The following MBD5 variants were observed in gnomAD, a reference collection of about 807,000 sequenced individuals.
MBD5 encodes the protein methyl-CpG binding domain protein 5.
Under a neutral mutation model 117.3 loss-of-function variants are expected in MBD5, and 13 were observed. That is an observed-to-expected ratio of 0.11 (90% confidence interval 0.07 to 0.18). MBD5 has a LOEUF of 0.18. Ranked by LOEUF, MBD5 falls within the 10% of genes least tolerant of loss-of-function variation. The pLI is 1.00. For synonymous variants in MBD5, 727 were observed against 766.4 expected (o/e 0.95, Z 0.85); for missense variants, 1,879 against 2,093.8 (o/e 0.90, Z 2.00).
At chr2:148,462,230 A>C (rs753675072) in intron 5 of MBD5, among the ~76,000 whole-genome samples, 1 of 152,170 alleles carries the variant, frequency 6.6e-6, no homozygotes, top group East Asian at 1.9e-4. Context: ...GTTTAAAATG[A>C]GAGTCATTGC....
chr2:148,116,085 C>G (rs1442903824), intron 1 of MBD5, among the ~76,000 whole-genome samples: 1 of 152,076 alleles, frequency 6.6e-6, no homozygotes, highest in African/African-American at 2.4e-5. Context: ...CTCAAGCCAT[C>G]CGCCTGCCTC....
chr2:148,041,774 TC>T (rs1219814577), intron 1 of MBD5, among the ~76,000 whole-genome samples: 1 of 152,216 alleles, frequency 6.6e-6, no homozygotes, highest in African/African-American at 2.4e-5. Context: ...TCTTCTGCTT[TC>T]CACCCATCTT....
chr2:148,210,458 A>G (rs1699394877), intron 2 of MBD5, among the ~76,000 whole-genome samples: 1 of 152,148 alleles, frequency 6.6e-6, no homozygotes, highest in Non-Finnish European at 1.5e-5. Flanking sequence ...CACAGATCCA[A>G]TTATATTTTA....
intron 4 of MBD5, among the ~76,000 whole-genome samples, chr2:148,455,132 CA>C (rs1706843986): frequency 6.6e-6 from 1 of 151,988 alleles, no homozygotes; most frequent in African/African-American, 2.4e-5. Flanking sequence ...CTGTATTTTC[CA>C]AATTCACAAG....
intron 1 of MBD5, among the ~76,000 whole-genome samples, chr2:148,075,636 CTTTTT>C (rs1249441299): frequency 7.1e-6 from 1 of 140,102 alleles, no homozygotes; most frequent in African/African-American, 2.6e-5. Flanking sequence ...TCTTGTGGGT[CTTTTT>C]TTTTTTTTAA....
At chr2:148,383,790 G>A (rs1331062048) in intron 4 of MBD5, among the ~76,000 whole-genome samples, 1 of 152,184 alleles carries the variant, frequency 6.6e-6, no homozygotes, top group Non-Finnish European at 1.5e-5. Context: ...TCCCTGGGAT[G>A]CAAGGCTGGT....
chr2:148,225,652 A>G (rs534656714), intron 2 of MBD5, among the ~76,000 whole-genome samples: 5 of 152,182 alleles, frequency 3.3e-5, no homozygotes, highest in Non-Finnish European at 7.3e-5. Flanking sequence ...GGTGTTGATA[A>G]AATCCCTAAG....
intron 2 of MBD5, among the ~76,000 whole-genome samples, chr2:148,201,217 G>T (rs1187922357): frequency 6.6e-6 from 1 of 152,136 alleles, no homozygotes; most frequent in Non-Finnish European, 1.5e-5. Flanking sequence ...GAGGAGATGT[G>T]TGTGCCAGTG....
chr2:148,035,653 C>T (rs144377422), intron 1 of MBD5, among the ~76,000 whole-genome samples: 2 of 152,096 alleles, frequency 1.3e-5, no homozygotes, highest in African/African-American at 4.8e-5. Flanking sequence ...ATTTTCTTTC[C>T]TTGTCTTTGT....
chr2:148,441,675 C>T (rs1270917488), intron 4 of MBD5, among the ~76,000 whole-genome samples: 6 of 152,046 alleles, frequency 3.9e-5, no homozygotes, highest in Non-Finnish European at 8.8e-5. Flanking sequence ...CCTGAGGAAT[C>T]GCCACACCGA....
intron 1 of MBD5, among the ~76,000 whole-genome samples, chr2:148,079,781 C>T (rs10199458): frequency 0.42 from 63,006 of 151,320 alleles, 13,367 homozygotes; most frequent in Middle Eastern, 0.55. Context: ...AGCTTAACCC[C>T]GGGAGGCGGA....
At chr2:148,119,316 G>A (rs1162037667) in intron 1 of MBD5, among the ~76,000 whole-genome samples, 1 of 151,892 alleles carries the variant, frequency 6.6e-6, no homozygotes, top group Non-Finnish European at 1.5e-5. Context: ...AACTTCTTTG[G>A]AGAAATGTCT....
chr2:148,160,224 C>G (rs905328396), intron 1 of MBD5, among the ~76,000 whole-genome samples: 1 of 152,092 alleles, frequency 6.6e-6, no homozygotes, highest in East Asian at 1.9e-4. Flanking sequence ...ATGATGAAAC[C>G]CCGTCTCTAC....
At chr2:148,074,221 G>A (rs952754715) in intron 1 of MBD5, among the ~76,000 whole-genome samples, 6 of 151,990 alleles carry the variant, frequency 3.9e-5, no homozygotes, top group Non-Finnish European at 5.9e-5. Flanking sequence ...CTTACCTTCA[G>A]CAACACTCTA....
rs902407950 is a variant in MBD5, at chr2:148,105,685, A to C, written c.-924-73015A>C. On this transcript the variant is annotated intron_variant, in intron 1 of 13. Coordinates refer to ENST00000642680, the MANE Select transcript of MBD5 (RefSeq NM_001378120.1). ...GTTTCATTTTATTTTTATTTTCTATATCATTAATTTATCTTATTTTGATTA... is the reference window on the plus strand; with the variant it reads ...GTTTCATTTTATTTTTATTTTCTATCTCATTAATTTATCTTATTTTGATTA... Among the ~76,000 whole-genome samples the C allele has an allele frequency of 2.0e-5, 3 of 151,668 alleles. No individual in the cohort carries two copies. In the East Asian group the frequency reaches 5.8e-4, roughly 29 times the overall value.
chr2:148,276,867 T>A (rs1452828588), intron 3 of MBD5, among the ~76,000 whole-genome samples: 1 of 152,180 alleles, frequency 6.6e-6, no homozygotes, highest in East Asian at 1.9e-4. Context: ...AAAGAGCAGT[T>A]CTGCATGTTT....
chr2:148,422,120 C>T (rs1177980720), intron 4 of MBD5, among the ~76,000 whole-genome samples: 1 of 152,140 alleles, frequency 6.6e-6, no homozygotes, highest in African/African-American at 2.4e-5. Flanking sequence ...GTCCCTGACC[C>T]CCATGTATCC....
chr2:148,451,015 T>C (rs1706711477), intron 4 of MBD5, among the ~76,000 whole-genome samples: 1 of 152,168 alleles, frequency 6.6e-6, no homozygotes, highest in Non-Finnish European at 1.5e-5. Flanking sequence ...CTTTCCTACA[T>C]CATTATGATC....
At chr2:148,421,017 C>G (rs1705586805) in intron 4 of MBD5, among the ~76,000 whole-genome samples, 1 of 152,222 alleles carries the variant, frequency 6.6e-6, no homozygotes. Context: ...GCATGAGCCA[C>G]TACACCCATG....
Sources: allele counts gnomAD v4.1 joint callset (sites outside exome capture counted in the v4.1 genomes callset), GRCh38; gene constraint gnomAD v4.1.1; transcripts MANE v1.5; gene names NCBI Gene and HGNC (gene_info 2026-07-23, HGNC 2026-07-21).